The following NINJ2 variants were observed in gnomAD, a reference collection of about 807,000 sequenced individuals.
The protein encoded by NINJ2 is ninjurin-2.
In NINJ2, 12 loss-of-function variants were observed where a neutral mutation model predicts 11.7. The ratio of observed to expected loss-of-function variants is 1.02; its 90% CI spans 0.66 to 1.66. The LOEUF (loss-of-function observed/expected upper bound fraction) is 1.66. Among genes scored for constraint, NINJ2 ranks in the 40% most tolerant of loss-of-function variants. The pLI is 0.00. For missense variants in NINJ2, 187 were observed against 181.8 expected (o/e 1.03, Z -0.16); for synonymous variants, 93 against 76.8 (o/e 1.21, Z -1.10).
At chr12:603,403 C>T (rs539167002) in intron 1 of NINJ2, among the ~76,000 whole-genome samples, 35 of 152,264 alleles carry the variant, frequency 2.3e-4, no homozygotes, top group South Asian at 1.0e-3. Flanking sequence ...CCATTTGAAA[C>T]GCAACCTTTT....
intron 1 of NINJ2, chr12:586,565 C>A (rs1022856250): frequency 6.6e-6 from 1 of 152,336 alleles, no homozygotes; most frequent in Non-Finnish European, 1.5e-5. Context: ...GCAGCGCACG[C>A]CCACTCAAAG....
intron 1 of NINJ2, among the ~76,000 whole-genome samples, chr12:567,250 A>G: frequency 6.6e-6 from 1 of 151,898 alleles, no homozygotes; most frequent in Non-Finnish European, 1.5e-5. Flanking sequence ...GATGGATTGA[A>G]GGATGCTATG....
At position 581,989 on chromosome 12, in the gene NINJ2, C is replaced by A. The variant is rs896590167; in HGVS notation, c.34-15811G>T. Among the ~76,000 whole-genome samples the A allele has an allele frequency of 1.3e-5, 2 of 152,170 alleles. No homozygotes were observed. The highest frequency in any genetic ancestry group is 2.4e-5 in the African/African-American group (1 of 41,432). ...CCTCTCCCTGGCTCCCTGCACTGAC[C>A]CCATGTGCGGCCAGGCTCCCTGTGC... is the stretch of plus-strand genomic sequence containing the variant. On this transcript the variant is annotated intron_variant, in intron 1 of 3. Coordinates refer to ENST00000305108, the MANE Select transcript of NINJ2 (RefSeq NM_016533.6). The surrounding 1 kb of genome is among the most constrained non-coding windows in gnomAD (Gnocchi z 4.9).
chr12:589,660 A>C (rs556883678), intron 1 of NINJ2: 2 of 152,350 alleles, frequency 1.3e-5, no homozygotes, highest in African/African-American at 4.8e-5. Flanking sequence ...AGATGAAATT[A>C]AATATGCGAT....
intron 1 of NINJ2, among the ~76,000 whole-genome samples, chr12:626,278 A>T (rs1374101863): frequency 6.6e-6 from 1 of 152,214 alleles, no homozygotes; most frequent in East Asian, 1.9e-4. Context: ...AGCCCTCCTA[A>T]TATCTGCTGG....
In NINJ2 at chr12:565,385, A is replaced by G. The variant is rs746560118; in HGVS notation, c.279T>C (p.Asn93=). 2.5e-6 allele frequency: 4 copies of G among 1,614,062 alleles called. No homozygotes were observed. The highest frequency in any genetic ancestry group is 3.4e-6 in the Non-Finnish European group (4 of 1,179,998). Residue 93 remains asparagine, a synonymous_variant, in exon 3 of 4, where the codon AAT becomes AAC. Transcript: ENST00000305108. The stretch of plus-strand genomic sequence containing the variant: ...TGAGTCGCCACTGCTTTTCTACCTC[A>G]TTCAGGTTCAGCCGTGCTGCAGGGA... ...LLVVIARLNL[N]EVEKQWRLNQ... is the part of the protein sequence containing the mutation.
intron 1 of NINJ2, among the ~76,000 whole-genome samples, chr12:662,463 A>T (rs1267481239): frequency 1.3e-5 from 2 of 151,972 alleles, no homozygotes; most frequent in Non-Finnish European, 2.9e-5. Flanking sequence ...TCAACAAAAC[A>T]GCTCTTCTTT....
intron 1 of NINJ2, among the ~76,000 whole-genome samples, chr12:632,825 G>T (rs1330753003): frequency 6.6e-6 from 1 of 152,194 alleles, no homozygotes; most frequent in Non-Finnish European, 1.5e-5. Flanking sequence ...TTGTAAAAAT[G>T]AGGAAACTGA....
In NINJ2 at chr12:649,618, C is replaced by T. The variant is rs1937758178; in HGVS notation, c.33+13710G>A. Reference sequence around the variant, plus strand: ...TGCTTCTCTAATTTTCTTTTTTAAACTACAAGTTTTTTTCTATTCTAAATA... The same window carrying T: ...TGCTTCTCTAATTTTCTTTTTTAAATTACAAGTTTTTTTCTATTCTAAATA... On this transcript the variant is annotated intron_variant, in intron 1 of 3. Coordinates refer to ENST00000305108, the MANE Select transcript of NINJ2 (RefSeq NM_016533.6). Among the ~76,000 whole-genome samples, 3 of 147,118 alleles carry T rather than the reference C, an allele frequency of 2.0e-5. No homozygotes were observed. In the South Asian group the frequency reaches 6.5e-4, roughly 32 times the overall value.
At chr12:642,042 C>T (rs577047593) in intron 1 of NINJ2, among the ~76,000 whole-genome samples, 19 of 152,270 alleles carry the variant, frequency 1.2e-4, no homozygotes, top group African/African-American at 3.8e-4. Context: ...GGGAAAGGGC[C>T]CGTATTTCGG....
At chr12:574,539 T>TG (rs377391393) in intron 1 of NINJ2, among the ~76,000 whole-genome samples, 3 of 143,394 alleles carry the variant, frequency 2.1e-5, no homozygotes, top group Non-Finnish European at 4.6e-5. Flanking sequence ...ATCTCAGGAT[T>TG]AAAAAAAAAA....
At chr12:576,745 G>C (rs959112418) in intron 1 of NINJ2, among the ~76,000 whole-genome samples, 6 of 152,196 alleles carry the variant, frequency 3.9e-5, no homozygotes, top group Non-Finnish European at 8.8e-5. Context: ...TTGTCATCTC[G>C]GGGTTCAGAG....
chr12:607,578 AT>A, intron 1 of NINJ2, among the ~76,000 whole-genome samples: 1 of 152,330 alleles, frequency 6.6e-6, no homozygotes, highest in South Asian at 2.1e-4. Context: ...TAGGAAAGCC[AT>A]TAAGAAAACC....
At chr12:651,315 G>A (rs923240152) in intron 1 of NINJ2, among the ~76,000 whole-genome samples, 5 of 152,284 alleles carry the variant, frequency 3.3e-5, no homozygotes, top group Admixed American at 6.5e-5. Context: ...GGTTTTATTA[G>A]AGCCCAGGTG....
At chr12:618,923 T>C (rs1948123490) in intron 1 of NINJ2, among the ~76,000 whole-genome samples, 1 of 152,188 alleles carries the variant, frequency 6.6e-6, no homozygotes, top group Non-Finnish European at 1.5e-5. Context: ...CAGAGAGCCC[T>C]GTTCAGGTGC....
At chr12:654,636 T>C (rs1937845573) in intron 1 of NINJ2, among the ~76,000 whole-genome samples, 1 of 151,938 alleles carries the variant, frequency 6.6e-6, no homozygotes, top group Admixed American at 6.5e-5. Flanking sequence ...GCTCACGCCT[T>C]TAACCCTAGC....
chr12:630,060 C>T (rs1948260409), intron 1 of NINJ2, among the ~76,000 whole-genome samples: 1 of 151,072 alleles, frequency 6.6e-6, no homozygotes, highest in African/African-American at 2.4e-5. Flanking sequence ...AAAAAGAGCA[C>T]TCTTCAGCCC....
At chr12:658,192 T>A (rs949022914) in intron 1 of NINJ2, among the ~76,000 whole-genome samples, 1 of 151,770 alleles carries the variant, frequency 6.6e-6, no homozygotes, top group African/African-American at 2.4e-5. Flanking sequence ...AGAAGTGGGG[T>A]TTCACCATGT....
At position 580,825 on chromosome 12, in the gene NINJ2, T is replaced by G. The variant is rs1169424545; in HGVS notation, c.34-14647A>C. ...GTGTGTGTCTGTGTGTATGCGTGTG[T>G]GTCTGTGTGTATGCATGTGTGTCTG... is the stretch of plus-strand genomic sequence containing the variant. On this transcript the variant is annotated intron_variant, in intron 1 of 3. Coordinates refer to ENST00000305108, the MANE Select transcript of NINJ2 (RefSeq NM_016533.6). The surrounding 1 kb of genome is among the most constrained non-coding windows in gnomAD (Gnocchi z 4.7). Among the ~76,000 whole-genome samples the G allele has an allele frequency of 1.3e-5, 2 of 152,046 alleles. No homozygotes were observed. Among genetic ancestry groups the G allele is most frequent in the African/African-American group, 4.8e-5 (2 of 41,406 alleles).
Sources: gnomAD v4.1 joint callset for allele counts (sites outside exome capture counted in the v4.1 genomes callset) on GRCh38, gnomAD v4.1.1 for gene constraint, Gnocchi (gnomAD v3.1) non-coding constraint, MANE v1.5 for transcripts, NCBI Gene and HGNC (gene_info 2026-07-23, HGNC 2026-07-21) for gene names.